Variants in ZKSCAN7 observed in about 807,000 individuals in gnomAD.
The protein encoded by ZKSCAN7 is zinc finger protein with KRAB and SCAN domains 7.
ZKSCAN7 carries 38 observed loss-of-function variants against 65.3 expected under a neutral mutation model. That is an observed-to-expected ratio of 0.58 (90% CI 0.45 to 0.76). ZKSCAN7 has a LOEUF of 0.76. ZKSCAN7 is among the 30% of genes least tolerant of loss of function. The pLI is 0.00. For missense variants in ZKSCAN7, 815 were observed against 913.3 expected, an observed-to-expected ratio of 0.89 and a Z score of 1.39; for synonymous variants, 321 against 321.0, an observed-to-expected ratio of 1.00 and a Z score of 0.00.
intron 5 of ZKSCAN7, among the ~76,000 whole-genome samples, chr3:44,579,375 C>A (rs1700007110): frequency 6.6e-6 from 1 of 152,210 alleles, no homozygotes; most frequent in African/African-American, 2.4e-5. Flanking sequence ...TGATTCAGGG[C>A]CTGCTGGATG....
intron 2 of ZKSCAN7, among the ~76,000 whole-genome samples, chr3:44,560,117 T>G: frequency 6.6e-6 from 1 of 151,800 alleles, no homozygotes; most frequent in East Asian, 1.9e-4. Context: ...AGAAAATGAC[T>G]AACAGTAGAC....
chr3:44,556,410 T>C (rs766194662), intron 1 of ZKSCAN7, among the ~76,000 whole-genome samples: 2 of 152,250 alleles, frequency 1.3e-5, no homozygotes, highest in Non-Finnish European at 2.9e-5. Context: ...CTTCTAAGTG[T>C]GTCTCTAGAG....
At chr3:44,572,849 C>CAACAAAAAAAA (rs1699845550), downstream of ZKSCAN7, among the ~76,000 whole-genome samples, 1 of 72,436 alleles carries the variant, frequency 1.4e-5, no homozygotes, top group Non-Finnish European at 2.7e-5. Context: ...GACTCTGTCT[C>CAACAAAAAAAA]AAAAAAAAAA....
Position 44,570,470 on chromosome 3 carries a change from C to G in ZKSCAN7, c.1360C>G (p.Leu454Val). ...AAAGGCCTATAGGCACAGCTCCCATCTCATTCAACACCAGAGACTCCATAA... is the reference window on the plus strand; with the variant it reads ...AAAGGCCTATAGGCACAGCTCCCATGTCATTCAACACCAGAGACTCCATAA... Reference protein sequence around the residue: ...CGKAYRHSSHLIQHQRLHNGE... With the variant: ...CGKAYRHSSHVIQHQRLHNGE... The change falls in exon 6 of 6, where the codon CTC becomes GTC. Residue 454 changes from leucine (L) to valine (V), a missense_variant. Physicochemically the swap from Leu to Val is conservative, Grantham distance 32 (BLOSUM62 1). Around this residue, in one of 3 missense-constraint regions of ZKSCAN7, gnomAD observed 578 missense variants for 629.5 expected, o/e 0.92. Coordinates refer to ENST00000426540, the MANE Select transcript of ZKSCAN7 (RefSeq NM_001288590.2). 1 of 1,614,164 alleles carries G rather than the reference C, an allele frequency of 6.2e-7. No homozygotes were observed. Among genetic ancestry groups the G allele is most frequent in the Non-Finnish European group, 8.5e-7 (1 of 1,180,016 alleles).
At chr3:44,567,163 A>C (rs955971239) in intron 3 of ZKSCAN7, among the ~76,000 whole-genome samples, 1 of 84,070 alleles carries the variant, frequency 1.2e-5, no homozygotes, top group African/African-American at 4.6e-5. Context: ...AGAAAGAAAA[A>C]GAGAAGAGAA....
chr3:44,557,218 C>G lies in ZKSCAN7; in HGVS notation c.171C>G (p.Phe57Leu). The G allele has an allele frequency of 6.2e-7, 1 of 1,614,276 alleles. No homozygotes were observed. The highest frequency in any genetic ancestry group is 8.5e-7 in the Non-Finnish European group (1 of 1,180,058). Residue 57 changes from phenylalanine (F) to leucine (L), a missense_variant, in exon 2 of 6, where the codon TTC (phenylalanine) becomes TTG (leucine). This residue lies in a region of ZKSCAN7 where 227 missense variants were observed against 253.3 expected (regional missense o/e 0.90). Transcript: ENST00000426540. ...PPVCEIFRLH[F>L]RQLCYHEMSG... Reference sequence around the variant, plus strand: ...TCTGCGAAATCTTCCGGCTACACTTCAGGCAATTGTGTTACCACGAGATGT... The same window carrying G: ...TCTGCGAAATCTTCCGGCTACACTTGAGGCAATTGTGTTACCACGAGATGT...
intron 5 of ZKSCAN7, among the ~76,000 whole-genome samples, chr3:44,578,632 A>G (rs1699980732): frequency 6.6e-6 from 1 of 152,040 alleles, no homozygotes; most frequent in Admixed American, 6.5e-5. Context: ...GGGCCTCAAC[A>G]TCCGAGTTGA....
intron 1 of ZKSCAN7, among the ~76,000 whole-genome samples, chr3:44,556,440 T>G (rs1699296565): frequency 6.6e-6 from 1 of 152,228 alleles, no homozygotes; most frequent in African/African-American, 2.4e-5. Flanking sequence ...CAAACTTTCT[T>G]TATTTTGCAT....
At chr3:44,578,116 C>G in intron 5 of ZKSCAN7, 1 of 1,550,222 alleles carries the variant, frequency 6.5e-7, no homozygotes, top group South Asian at 1.1e-5. Flanking sequence ...GACTTTTCCC[C>G]CAGTGCTTCC....
intron 5 of ZKSCAN7, among the ~76,000 whole-genome samples, chr3:44,569,062 C>G (rs1163252872): frequency 6.6e-6 from 1 of 152,244 alleles, no homozygotes; most frequent in African/African-American, 2.4e-5. Flanking sequence ...TTTGCCCTAC[C>G]TCCAGTTCCA....
chr3:44,567,587 G>C (rs2125719563), intron 3 of ZKSCAN7, among the ~76,000 whole-genome samples: 1 of 152,292 alleles, frequency 6.6e-6, no homozygotes, highest in Middle Eastern at 3.4e-3. Context: ...GCAGGCATGA[G>C]GAACCACAAC....
intron 5 of ZKSCAN7, among the ~76,000 whole-genome samples, chr3:44,581,216 C>T (rs1700077731): frequency 6.8e-6 from 1 of 147,306 alleles, no homozygotes; most frequent in Non-Finnish European, 1.5e-5. Flanking sequence ...GCGCGCGCGA[C>T]GCCCAGCTCC....
chr3:44,581,121 G>A (rs1483420633), intron 5 of ZKSCAN7: 1 of 991,408 alleles, frequency 1.0e-6, no homozygotes, highest in African/African-American at 1.8e-5. Flanking sequence ...TCCCTCGCCG[G>A]CCCTGCCACA....
chr3:44,565,211 G>A (rs1365648631), intron 2 of ZKSCAN7, among the ~76,000 whole-genome samples: 1 of 152,160 alleles, frequency 6.6e-6, no homozygotes, highest in Admixed American at 6.5e-5. Flanking sequence ...GAAAATATGT[G>A]TCTGAAGACC....
chr3:44,582,701 C>G (rs561320341), intron 5 of ZKSCAN7, among the ~76,000 whole-genome samples: 2 of 152,152 alleles, frequency 1.3e-5, no homozygotes, highest in Non-Finnish European at 2.9e-5. Context: ...CTATTTTTAA[C>G]ATATATTCTA....
intron 5 of ZKSCAN7, among the ~76,000 whole-genome samples, chr3:44,578,027 G>C (rs1277940073): frequency 6.6e-6 from 1 of 152,200 alleles, no homozygotes; most frequent in Admixed American, 6.5e-5. Context: ...AGGTGACACA[G>C]GATCTGTCTT....
chr3:44,563,457 G>A (rs1699540126), intron 2 of ZKSCAN7, among the ~76,000 whole-genome samples: 1 of 152,146 alleles, frequency 6.6e-6, no homozygotes, highest in South Asian at 2.1e-4. Context: ...AGTTCTGCAG[G>A]CTTAACAGAA....
chr3:44,569,117 C>T lies in ZKSCAN7; in HGVS notation c.811+684C>T, dbSNP rs1222713042. 2.6e-5 allele frequency among the ~76,000 whole-genome samples: 4 copies of T among 152,236 alleles called. No individual in the cohort carries two copies. In the East Asian group the frequency reaches 5.8e-4, roughly 22 times the overall value. ...TTTCATTGCTATAGCCATTACGCAT[C>T]ATCTCATTTGGGCACAGGGGTTTGG... On this transcript the variant is annotated intron_variant, in intron 5 of 5. Coordinates refer to ENST00000426540, the MANE Select transcript of ZKSCAN7 (RefSeq NM_001288590.2).
rs1319389835 is a variant in ZKSCAN7 at position 44,557,118 on chromosome 3, G to T, written c.71G>T (p.Arg24Leu). 5 of 1,614,130 alleles carry T rather than the reference G, an allele frequency of 3.1e-6. No homozygotes were observed. The highest frequency in any genetic ancestry group is 2.2e-5 in the East Asian group (1 of 44,886). ...RSTAFQKQEG[R>L]LTVKQEPANQ... ...ACTGCTTTCCAGAAGCAAGAGGGGC[G>T]CCTGACTGTGAAGCAGGAGCCAGCA... Residue 24 changes from arginine (R) to leucine (L), a missense_variant, in exon 2 of 6, where the codon CGC (arginine) becomes CTC (leucine). Transcript: ENST00000426540.
Sources: allele counts gnomAD v4.1 joint callset (sites outside exome capture counted in the v4.1 genomes callset), GRCh38; gene constraint gnomAD v4.1.1; regional missense constraint gnomAD v4.1.1; transcripts MANE v1.5; gene names NCBI Gene and HGNC (gene_info 2026-07-23, HGNC 2026-07-21).